The following SEC22B variants were observed in gnomAD, a reference collection of about 807,000 sequenced individuals.
The protein encoded by SEC22B is SEC22 homolog B, vesicle trafficking protein, also known as vesicle-trafficking protein SEC22b.
Under a neutral mutation model 31.4 loss-of-function variants are expected in SEC22B, and 10 were observed. The ratio of observed to expected loss-of-function variants is 0.32; its 90% confidence interval spans 0.20 to 0.54. SEC22B has a LOEUF of 0.54. SEC22B is among the 20% of genes least tolerant of loss of function. The pLI is 0.94. For synonymous variants in SEC22B, 60 were observed against 95.9 expected, an observed-to-expected ratio of 0.63 and a Z score of 2.19; for missense variants, 130 against 263.4, an observed-to-expected ratio of 0.49 and a Z score of 3.50.
chr1:120,160,446 T>G lies in SEC22B; in HGVS notation c.431A>C (p.Asp144Ala). The G allele has an allele frequency of 6.2e-7, 1 of 1,612,802 alleles. No homozygotes were observed. Among genetic ancestry groups the G allele is most frequent in the Non-Finnish European group, 8.5e-7 (1 of 1,179,170 alleles). Residue 144 changes from aspartate (D) to alanine (A), a missense_variant, in exon 4 of 5, where the codon GAT (aspartate) becomes GCT (alanine). This residue lies in a region of SEC22B where 53 missense variants were observed against 63.3 expected (regional missense o/e 0.84). Transcript: ENST00000578049. ...NLGSINTELQ[D>A]VQRIMVANIE... ...ATTGGCCACCATGATCCTCTGCACA[T>G]CTTGCAATTCAGTGTTGATGGAGCC...
At position 120,151,719 on chromosome 1, in the gene SEC22B, G is replaced by A. The variant is rs1657543161; in HGVS notation, c.*5319C>T. 1 of 151,590 alleles carries A rather than the reference G, an allele frequency of 6.6e-6. No homozygotes were observed. Among genetic ancestry groups the A allele is most frequent in the Admixed American group, 6.6e-5 (1 of 15,230 alleles). 9.4% of individuals were successfully genotyped at this position (151,590 alleles called of 1,614,324 possible). A position where few individuals can be genotyped will look rare whatever the true frequency, so the allele number is the denominator to read the frequency against. On this transcript the variant is annotated 3_prime_UTR_variant, in exon 5 of 5. Coordinates refer to ENST00000578049, the MANE Select transcript of SEC22B (RefSeq NM_004892.6). Reference sequence around the variant, plus strand: ...TATCATGGTAGTACTGACTAAAAGAGGGACATGTGTAACAAAATCAGTAAG... The same window carrying A: ...TATCATGGTAGTACTGACTAAAAGAAGGACATGTGTAACAAAATCAGTAAG...
chr1:120,166,414 C>CAA (rs1657809474), intron 2 of SEC22B, among the ~76,000 whole-genome samples: 3 of 151,268 alleles, frequency 2.0e-5, no homozygotes, highest in African/African-American at 7.3e-5. Context: ...CACACACACA[C>CAA]ACACACACAC....
Position 120,152,775 on chromosome 1 carries a change from G to A in SEC22B, c.*4263C>T, listed in dbSNP as rs1657565663. The A allele has an allele frequency of 7.4e-6, 1 of 134,910 alleles. No homozygotes were observed. Among genetic ancestry groups the A allele is most frequent in the Non-Finnish European group, 1.5e-5 (1 of 66,820 alleles). The allele number at this position is 134,910 out of a possible 1,614,324, so 8.4% of individuals were successfully genotyped here. On this transcript the variant is annotated 3_prime_UTR_variant, in exon 5 of 5. Coordinates refer to ENST00000578049, the MANE Select transcript of SEC22B (RefSeq NM_004892.6). ...AACATACTAATAACTTGACAATAAA[G>A]TGAAATGTGTAAGACAAACGTATCT...
At chr1:120,159,701 G>A (rs1388976054) in intron 4 of SEC22B, among the ~76,000 whole-genome samples, 1 of 152,010 alleles carries the variant, frequency 6.6e-6, no homozygotes, top group Admixed American at 6.6e-5. Context: ...AGGCTATAAG[G>A]ATCAGAGAAA....
chr1:120,168,736 C>T lies in SEC22B; in HGVS notation c.185+104G>A. ...AGAAGTTGCTCCTCCCAAAAGACAA[C>T]ATTTTTAAGTAATCTTTACTTTTTA... is the stretch of plus-strand genomic sequence containing the variant. On this transcript the variant is annotated intron_variant, in intron 2 of 4. Coordinates refer to ENST00000578049, the MANE Select transcript of SEC22B (RefSeq NM_004892.6). The T allele has an allele frequency of 1.1e-5, 4 of 372,398 alleles. No homozygotes were observed. The South Asian group carries it at 3.5e-4, about 32-fold the overall frequency. 23.1% of individuals were successfully genotyped at this position (372,398 alleles called of 1,614,324 possible). A position where few individuals can be genotyped will look rare whatever the true frequency, so the allele number is the denominator to read the frequency against.
chr1:120,159,607 C>A (rs1429405801), intron 4 of SEC22B, among the ~76,000 whole-genome samples: 1 of 150,384 alleles, frequency 6.6e-6, no homozygotes, highest in Non-Finnish European at 1.5e-5. Flanking sequence ...ATTAGGTAAA[C>A]ACACATACAT....
At chr1:120,166,451 T>C (rs1657812780) in intron 2 of SEC22B, among the ~76,000 whole-genome samples, 1 of 149,348 alleles carries the variant, frequency 6.7e-6, no homozygotes, top group Non-Finnish European at 1.5e-5. Flanking sequence ...TATTCAGCCA[T>C]AAAAAAGAAT....
chr1:120,169,076 G>A (rs1351352246), intron 1 of SEC22B, 127 bp from the exon 2 acceptor site: 7 of 374,226 alleles, frequency 1.9e-5, no homozygotes, highest in Non-Finnish European at 1.9e-5. Context: ...TCATTTTAAC[G>A]GAGGAAAGAC....
At chr1:120,163,401 A>T in intron 2 of SEC22B, 31 bp from the exon 3 acceptor site, 2 of 1,367,376 alleles carry the variant, frequency 1.5e-6, no homozygotes, top group Non-Finnish European at 1.9e-6. Context: ...AGACAAAGTT[A>T]TCTGTAAAGT....
intron 2 of SEC22B, among the ~76,000 whole-genome samples, chr1:120,164,809 CTGTTT>C (rs1657781548): frequency 1.3e-5 from 2 of 151,980 alleles, no homozygotes; most frequent in African/African-American, 4.8e-5. Flanking sequence ...AATGGTAGTT[CTGTTT>C]TAAGTTCTTT....
intron 1 of SEC22B, among the ~76,000 whole-genome samples, chr1:120,175,335 T>C (rs1245587961): frequency 1.0e-5 from 1 of 99,846 alleles, no homozygotes. Flanking sequence ...AAAAATTTTT[T>C]GCATTAATAT....
At chr1:120,176,200 T>G in intron 1 of SEC22B, 107 bp downstream of exon 1, 1 of 988,714 alleles carries the variant, frequency 1.0e-6, no homozygotes. Context: ...AGGTCGGGAG[T>G]GCCCGGGAAG....
chr1:120,163,233 C>T lies in SEC22B; in HGVS notation c.323G>A (p.Arg108Gln), dbSNP rs1193950292. Residue 108 changes from arginine to glutamine, a missense_variant, in exon 3 of 5, where the codon CGA becomes CAA. Transcript: ENST00000578049. ...ACCAAATTCAATAAAGGAATAGGGT[C>T]GGGACACAGTGGGCACCTTCTTTCC... ...QHGKKVPTVS[R>Q]PYSFIEFDTF... The T allele has an allele frequency of 2.5e-6, 4 of 1,582,790 alleles. No individual in the cohort carries two copies. The highest frequency in any genetic ancestry group is 2.3e-5 in the South Asian group (2 of 87,430).
At chr1:120,169,299 C>T (rs1191773484) in intron 1 of SEC22B, among the ~76,000 whole-genome samples, 1 of 152,132 alleles carries the variant, frequency 6.6e-6, no homozygotes, top group Non-Finnish European at 1.5e-5. Context: ...ATGTGCTATA[C>T]TCAGGGGAAT....
At position 120,156,622 on chromosome 1, in the gene SEC22B, A is replaced by C. The variant is rs1417400060; in HGVS notation, c.*416T>G. ...TAGAGTCAAAAAAAAAAAAAAAAAA[A>C]AAAACACCTTCCCAAAGGACTGCCT... On this transcript the variant is annotated 3_prime_UTR_variant, in exon 5 of 5. Coordinates refer to ENST00000578049, the MANE Select transcript of SEC22B (RefSeq NM_004892.6). The C allele has an allele frequency of 2.7e-5, 4 of 147,964 alleles. No individual in the cohort carries two copies. The highest frequency in any genetic ancestry group is 2.0e-4 in the East Asian group (1 of 5,104). The allele number at this position is 147,964 out of a possible 1,614,324, so 9.2% of individuals were successfully genotyped here.
intron 2 of SEC22B, among the ~76,000 whole-genome samples, chr1:120,166,432 A>ACACCG (rs1657812489): frequency 1.6e-5 from 2 of 127,866 alleles, no homozygotes; most frequent in African/African-American, 5.7e-5. Context: ...CACACACACC[A>ACACCG]TGGAATACTA....
chr1:120,162,874 A>G (rs1299751151), intron 3 of SEC22B, among the ~76,000 whole-genome samples: 3 of 152,120 alleles, frequency 2.0e-5, no homozygotes, highest in Admixed American at 6.6e-5. Flanking sequence ...GGACTGGGGT[A>G]AAGAAGAACT....
At chr1:120,165,018 A>G (rs1570867915) in intron 2 of SEC22B, among the ~76,000 whole-genome samples, 1 of 151,816 alleles carries the variant, frequency 6.6e-6, no homozygotes, top group African/African-American at 2.4e-5. Context: ...AGTGATGTGC[A>G]TTTTTTCATT....
In SEC22B at chr1:120,152,528, A is replaced by G. The variant is rs1389877283; in HGVS notation, c.*4510T>C. On this transcript the variant is annotated 3_prime_UTR_variant, in exon 5 of 5. Transcript: ENST00000578049. ...AGGAATTTTTTTTTTAAGGGCTAAAATTTTAGTGAATCAGATGTGGAAAAC... is the reference window on the plus strand; with the variant it reads ...AGGAATTTTTTTTTTAAGGGCTAAAGTTTTAGTGAATCAGATGTGGAAAAC... 1 of 151,512 alleles carries G rather than the reference A, an allele frequency of 6.6e-6. No individual in the cohort carries two copies. The allele number at this position is 151,512 out of a possible 1,614,324, so 9.4% of individuals were successfully genotyped here.
Sources: gnomAD v4.1 joint callset for allele counts (sites outside exome capture counted in the v4.1 genomes callset) on GRCh38, gnomAD v4.1.1 for gene constraint, gnomAD v4.1.1 regional missense constraint, MANE v1.5 for transcripts, NCBI Gene and HGNC (gene_info 2026-07-23, HGNC 2026-07-21) for gene names.